RBMS1: variants seen among roughly 807,000 people sequenced by gnomAD.
RBMS1 encodes RNA-binding motif, single-stranded-interacting protein 1.
A neutral mutation model predicts 62.3 loss-of-function variants in RBMS1; 17 were observed. That is an observed-to-expected ratio of 0.27 (90% CI 0.19 to 0.41). The LOEUF (loss-of-function observed/expected upper bound fraction) is 0.41, where lower values mean the gene tolerates loss of function less well. RBMS1 is among the 10% of genes least tolerant of loss of function. The pLI is 1.00. For missense variants in RBMS1, 334 were observed against 504.5 expected, an observed-to-expected ratio of 0.66 and a Z score of 3.24; for synonymous variants, 172 against 170.0, an observed-to-expected ratio of 1.01 and a Z score of -0.09.
chr2:160,470,051 G>A (rs1285271639), intron 1 of RBMS1, among the ~76,000 whole-genome samples: 7 of 152,182 alleles, frequency 4.6e-5, no homozygotes, highest in Admixed American at 4.6e-4. Flanking sequence ...AAACCCATGA[G>A]GCTGTTGTGT....
At chr2:160,278,751 T>C in intron 10 of RBMS1, 93 bp from the exon 11 acceptor site, 1 of 761,388 alleles carries the variant, frequency 1.3e-6, no homozygotes, top group Middle Eastern at 2.4e-4. Context: ...CCTTAGTTTG[T>C]TTAAGAATGT....
Position 160,284,803 on chromosome 2 carries a change from T to C in RBMS1, c.872A>G (p.Tyr291Cys), listed in dbSNP as rs928872447. Residue 291 changes from tyrosine to cysteine, a missense_variant, in exon 9 of 14, where the codon TAT becomes TGT. Physicochemically the swap from Tyr to Cys is radical, Grantham distance 194. Coordinates refer to ENST00000348849, the MANE Select transcript of RBMS1 (RefSeq NM_016836.4). ...GTAGGCAGATACAGGAGATGCAATATAGGGTGTAATAGAAGTTTGAGTGAT... is the reference window on the plus strand; with the variant it reads ...GTAGGCAGATACAGGAGATGCAATACAGGGTGTAATAGAAGTTTGAGTGAT... ...RMITQTSITP[Y>C]IASPVSAYQV... 86 of 1,606,524 alleles carry C rather than the reference T, an allele frequency of 5.4e-5. No homozygotes were observed. The highest frequency in any genetic ancestry group is 7.2e-5 in the Non-Finnish European group (84 of 1,173,226).
chr2:160,408,569 T>C (rs1695894520), intron 1 of RBMS1: 1 of 152,174 alleles, frequency 6.6e-6, no homozygotes, highest in East Asian at 1.9e-4. Flanking sequence ...ACCGGTTTGG[T>C]AAACCTTTCT....
At chr2:160,458,334 A>T (rs1346841426) in intron 1 of RBMS1, among the ~76,000 whole-genome samples, 1 of 152,212 alleles carries the variant, frequency 6.6e-6, no homozygotes, top group Non-Finnish European at 1.5e-5. Flanking sequence ...GTCAAATTAC[A>T]TTTGAAAGCA....
rs555785209 is a variant in RBMS1, at chr2:160,311,312, C to G, written c.402+1844G>C. Among the ~76,000 whole-genome samples, 910 of 142,540 alleles carry G rather than the reference C, an allele frequency of 6.4e-3. 16 individuals carry two copies. Among genetic ancestry groups the G allele is most frequent in the African/African-American group, 0.02 (794 of 38,732 alleles). 93.5% of individuals were successfully genotyped at this position (142,540 alleles called of 152,430 possible). A position where few individuals can be genotyped will look rare whatever the true frequency, so the allele number is the denominator to read the frequency against. ...AGTTTAAGAAAATCTAAAGTAAGTCCAACTCAATGCAAAGTTTTAAAAATA... is the reference window on the plus strand; with the variant it reads ...AGTTTAAGAAAATCTAAAGTAAGTCGAACTCAATGCAAAGTTTTAAAAATA... On this transcript the variant is annotated intron_variant, in intron 4 of 13. Transcript: ENST00000348849.
In RBMS1 at chr2:160,493,777, C is replaced by T. The variant is rs1480867346; in HGVS notation, c.-414G>A. On this transcript the variant is annotated 5_prime_UTR_variant, in exon 1 of 14. Coordinates refer to ENST00000348849, the MANE Select transcript of RBMS1 (RefSeq NM_016836.4). ...TCAATACAAGTGGAAAGTGCGGCAG[C>T]GGCGGCTGCGCTTGGTGCCAGGCGG... 1.8e-5 allele frequency: 3 copies of T among 165,992 alleles called. No homozygotes were observed. Among genetic ancestry groups the T allele is most frequent in the South Asian group, 2.9e-4 (2 of 6,810 alleles). The allele number at this position is 165,992 out of a possible 1,614,324, so 10.3% of individuals were successfully genotyped here.
chr2:160,458,419 C>T (rs1684330303), intron 1 of RBMS1, among the ~76,000 whole-genome samples: 2 of 152,180 alleles, frequency 1.3e-5, no homozygotes, highest in Admixed American at 1.3e-4. Flanking sequence ...ACATGGCAAC[C>T]ACACTCCACA....
intron 3 of RBMS1, among the ~76,000 whole-genome samples, chr2:160,315,284 T>C (rs10194324): frequency 0.55 from 84,086 of 152,086 alleles, 23,810 homozygotes; most frequent in Admixed American, 0.66. Context: ...TTGTGCTCTT[T>C]CATGCTGTCT....
intron 1 of RBMS1, among the ~76,000 whole-genome samples, chr2:160,424,958 G>A (rs1037990127): frequency 3.7e-4 from 56 of 151,388 alleles, no homozygotes; most frequent in African/African-American, 1.4e-3. Flanking sequence ...TCTATTCACA[G>A]ATAAATTATT....
chr2:160,286,464 C>T (rs1688403433), intron 7 of RBMS1, among the ~76,000 whole-genome samples: 1 of 151,856 alleles, frequency 6.6e-6, no homozygotes, highest in Non-Finnish European at 1.5e-5. Context: ...GGATTACAGG[C>T]ATGGACCACC....
intron 1 of RBMS1, among the ~76,000 whole-genome samples, chr2:160,426,873 G>A (rs1367145758): frequency 6.6e-6 from 1 of 152,130 alleles, no homozygotes; most frequent in African/African-American, 2.4e-5. Flanking sequence ...AAGAATGTAA[G>A]AAGACATTAT....
chr2:160,355,745 C>G lies in RBMS1; in HGVS notation c.251+11471G>C, dbSNP rs939892117. 5.9e-5 allele frequency among the ~76,000 whole-genome samples: 9 copies of G among 152,066 alleles called. 1 individual carries two copies. The highest frequency in any genetic ancestry group is 1.0e-4 in the Non-Finnish European group (7 of 68,002). ...TCATCCTGAAGATTCATTCAAATGC[C>G]AAACTTTGCCTGATGCCCCCCATCA... On this transcript the variant is annotated intron_variant, in intron 2 of 13. Transcript: ENST00000348849.
chr2:160,381,112 C>T (rs1010568757), intron 1 of RBMS1, among the ~76,000 whole-genome samples: 1 of 152,182 alleles, frequency 6.6e-6, no homozygotes, highest in Non-Finnish European at 1.5e-5. Flanking sequence ...TAGACTCTAA[C>T]TAACTTCATC....
At chr2:160,289,671 A>G (rs1688580841) in intron 6 of RBMS1, among the ~76,000 whole-genome samples, 1 of 152,104 alleles carries the variant, frequency 6.6e-6, no homozygotes, top group Non-Finnish European at 1.5e-5. Context: ...ATGAAAACCC[A>G]TTTAGTCATT....
intron 6 of RBMS1, among the ~76,000 whole-genome samples, chr2:160,288,840 T>A (rs1688540500): frequency 6.6e-6 from 1 of 152,202 alleles, no homozygotes; most frequent in South Asian, 2.1e-4. Context: ...TTTTTGTTTT[T>A]TTTAAAGAAG....
chr2:160,336,833 T>C (rs531586173), intron 2 of RBMS1, among the ~76,000 whole-genome samples: 2 of 152,308 alleles, frequency 1.3e-5, no homozygotes, highest in East Asian at 1.9e-4. Context: ...TAGATGTTTA[T>C]GGGCTGTTGC....
At chr2:160,369,365 G>A (rs1040122767) in intron 1 of RBMS1, among the ~76,000 whole-genome samples, 2 of 152,106 alleles carry the variant, frequency 1.3e-5, no homozygotes, top group Admixed American at 6.6e-5. Flanking sequence ...GCCCCACAAA[G>A]CCTGTGCTCC....
intron 4 of RBMS1, among the ~76,000 whole-genome samples, chr2:160,310,759 C>T (rs1481066456): frequency 2.6e-5 from 4 of 152,100 alleles, no homozygotes; most frequent in African/African-American, 9.7e-5. Context: ...GTTTACAGAA[C>T]CAGATTAAAC....
chr2:160,328,074 C>A (rs541112659), intron 2 of RBMS1, among the ~76,000 whole-genome samples: 1 of 152,260 alleles, frequency 6.6e-6, no homozygotes, highest in African/African-American at 2.4e-5. Context: ...ACCAGAGAGA[C>A]CATATCAAGT....
Sources: allele counts gnomAD v4.1 joint callset (sites outside exome capture counted in the v4.1 genomes callset), GRCh38; gene constraint gnomAD v4.1.1; transcripts MANE v1.5; gene names NCBI Gene and HGNC (gene_info 2026-07-23, HGNC 2026-07-21).